PLEKHA6: variants seen among roughly 807,000 people sequenced by gnomAD.
The protein encoded by PLEKHA6 is pleckstrin homology domain-containing family A member 6.
In PLEKHA6, 60 loss-of-function variants were observed where a neutral mutation model predicts 116.7. The observed-to-expected ratio is 0.51, with a 90% CI of 0.42 to 0.64. PLEKHA6 has a LOEUF of 0.64. Among genes scored for constraint, PLEKHA6 ranks in the 30% least tolerant of loss-of-function variants. The pLI is 0.00. For synonymous variants in PLEKHA6, 489 were observed against 556.1 expected (o/e 0.88, Z 1.70); for missense variants, 1,338 against 1,422.7 (o/e 0.94, Z 0.96).
chr1:204,301,703 G>C (rs565042180), intron 1 of PLEKHA6, among the ~76,000 whole-genome samples: 31 of 152,252 alleles, frequency 2.0e-4, no homozygotes, highest in African/African-American at 6.7e-4. Flanking sequence ...GGGACATTAG[G>C]GTGAGAAACA....
At chr1:204,316,867 C>T (rs998574538) in intron 1 of PLEKHA6, among the ~76,000 whole-genome samples, 3 of 152,174 alleles carry the variant, frequency 2.0e-5, no homozygotes, top group African/African-American at 4.8e-5. Context: ...GGTATTTTAC[C>T]AGGCGCAACT....
intron 5 of PLEKHA6, among the ~76,000 whole-genome samples, chr1:204,267,154 C>T (rs765850814): frequency 6.6e-6 from 1 of 152,186 alleles, no homozygotes; most frequent in African/African-American, 2.4e-5. Context: ...GTGACCTCCT[C>T]CTCTTTGTGC....
At chr1:204,263,640 G>A (rs1337099322) in intron 6 of PLEKHA6, among the ~76,000 whole-genome samples, 1 of 152,106 alleles carries the variant, frequency 6.6e-6, no homozygotes, top group East Asian at 1.9e-4. Context: ...ACTCGGGGAT[G>A]TTTATCTCAC....
chr1:204,313,610 A>G (rs1671745931), intron 1 of PLEKHA6: 33 of 984,960 alleles, frequency 3.4e-5, no homozygotes, highest in Non-Finnish European at 3.9e-5. Flanking sequence ...TTGGCAGTCT[A>G]TATTCCATAT....
chr1:204,350,596 C>A (rs115074997), intron 1 of PLEKHA6, among the ~76,000 whole-genome samples: 1 of 152,176 alleles, frequency 6.6e-6, no homozygotes, highest in Non-Finnish European at 1.5e-5. Flanking sequence ...CCACCGCTGA[C>A]GGTGCCAGGC....
At chr1:204,361,025 C>A (rs1341692066), upstream of PLEKHA6, among the ~76,000 whole-genome samples, 1 of 152,134 alleles carries the variant, frequency 6.6e-6, no homozygotes, top group Non-Finnish European at 1.5e-5. Flanking sequence ...CCAAAAGATT[C>A]CCACCTCAAC....
chr1:204,297,227 A>G (rs1008200512), intron 1 of PLEKHA6: 1 of 980,140 alleles, frequency 1.0e-6, no homozygotes, highest in Non-Finnish European at 1.2e-6. Flanking sequence ...ACTCCTAAAC[A>G]CTACCTTCTG....
intron 1 of PLEKHA6, among the ~76,000 whole-genome samples, chr1:204,329,786 A>T (rs1672382629): frequency 6.6e-6 from 1 of 151,790 alleles, no homozygotes. Flanking sequence ...GCATGCAGTG[A>T]CTCATTGTCT....
At chr1:204,237,054 T>C (rs1662159495) in intron 17 of PLEKHA6, among the ~76,000 whole-genome samples, 1 of 152,246 alleles carries the variant, frequency 6.6e-6, no homozygotes, top group African/African-American at 2.4e-5. Flanking sequence ...CAAGGACTAC[T>C]GGACACTGGC....
In PLEKHA6 at chr1:204,297,959, A is replaced by C. The variant is rs149643695; in HGVS notation, c.-94-23150T>G. 1.0e-4 allele frequency: 97 copies of C among 938,238 alleles called. No individual in the cohort carries two copies. In the East Asian group the frequency reaches 0.01, roughly 98 times the overall value. The allele number at this position is 938,238 out of a possible 1,614,324, so 58.1% of individuals were successfully genotyped here. A position where few individuals can be genotyped will look rare whatever the true frequency, so the allele number is the denominator to read the frequency against. On this transcript the variant is annotated intron_variant, in intron 1 of 22. Transcript: ENST00000272203. ...CCCCCTACTCCTCATATCTCTCCCC[A>C]TTGACTTGCCTGAACCTCCACACCT...
At chr1:204,357,224 T>G (rs563575928) in intron 1 of PLEKHA6, among the ~76,000 whole-genome samples, 2 of 152,184 alleles carry the variant, frequency 1.3e-5, no homozygotes, top group Non-Finnish European at 2.9e-5. Flanking sequence ...TGTGAGGTAA[T>G]GAGCTCCCTG....
intron 1 of PLEKHA6, among the ~76,000 whole-genome samples, chr1:204,327,976 AG>A (rs1672300751): frequency 2.0e-5 from 3 of 152,244 alleles, no homozygotes. Context: ...TCTCAAAATT[AG>A]AGCTGGAGCC....
At chr1:204,358,703 C>A (rs528081692) in intron 1 of PLEKHA6, among the ~76,000 whole-genome samples, 1 of 152,070 alleles carries the variant, frequency 6.6e-6, no homozygotes, top group Non-Finnish European at 1.5e-5. Flanking sequence ...CAGCTCTGAG[C>A]TCCAGCCTCC....
At chr1:204,246,653 A>G (rs1663729812) in intron 13 of PLEKHA6, among the ~76,000 whole-genome samples, 1 of 152,178 alleles carries the variant, frequency 6.6e-6, no homozygotes, top group African/African-American at 2.4e-5. Flanking sequence ...GGCCTGGGTG[A>G]AGAAAAGGCA....
At chr1:204,339,687 T>C (rs7547251) in intron 1 of PLEKHA6, among the ~76,000 whole-genome samples, 28,121 of 152,128 alleles carry the variant, frequency 0.18, 3,284 homozygotes, top group Non-Finnish European at 0.26. Context: ...CTATTCATAA[T>C]AGCAACAAAT....
rs149957257 is a variant in PLEKHA6, at chr1:204,330,835, C to T, written c.-95+28859G>A. The stretch of plus-strand genomic sequence containing the variant: ...TCCCTAGATCACCCTGGCTCAGAGC[C>T]GAAAACAAACAGCATCTCCAGCCTC... On this transcript the variant is annotated intron_variant, in intron 1 of 22. Coordinates refer to ENST00000272203, the MANE Select transcript of PLEKHA6 (RefSeq NM_014935.5). Among the ~76,000 whole-genome samples, 586 of 152,216 alleles carry T rather than the reference C, an allele frequency of 3.8e-3. 3 individuals carry two copies. The highest frequency in any genetic ancestry group is 9.7e-3 in the Admixed American group (148 of 15,288).
intron 1 of PLEKHA6, among the ~76,000 whole-genome samples, chr1:204,296,397 C>T (rs1452382160): frequency 1.3e-5 from 2 of 152,126 alleles, no homozygotes; most frequent in African/African-American, 4.8e-5. Context: ...CTCTCCAACA[C>T]ATGTGATGGG....
intron 1 of PLEKHA6, among the ~76,000 whole-genome samples, chr1:204,354,045 G>A (rs1673353188): frequency 6.6e-6 from 1 of 152,192 alleles, no homozygotes; most frequent in Non-Finnish European, 1.5e-5. Flanking sequence ...TAGAATTTAA[G>A]AGGCTAATTG....
intron 1 of PLEKHA6, chr1:204,282,666 G>A: frequency 4.1e-6 from 4 of 985,284 alleles, no homozygotes; most frequent in Non-Finnish European, 3.6e-6. Flanking sequence ...TTCCAATTGT[G>A]GGGAACTGCG....
Sources: allele counts gnomAD v4.1 joint callset (sites outside exome capture counted in the v4.1 genomes callset), GRCh38; gene constraint gnomAD v4.1.1; transcripts MANE v1.5; gene names NCBI Gene and HGNC (gene_info 2026-07-23, HGNC 2026-07-21).